The following PIK3C2G variants were observed in gnomAD, a reference collection of about 807,000 sequenced individuals.
PIK3C2G encodes phosphatidylinositol 3-kinase C2 domain-containing subunit gamma.
In PIK3C2G, 168 loss-of-function variants were observed where a neutral mutation model predicts 181.1. That is an observed-to-expected ratio of 0.93 (90% CI 0.82 to 1.05). The LOEUF (loss-of-function observed/expected upper bound fraction) is 1.05, where lower values mean the gene tolerates loss of function less well. Among genes scored for constraint, PIK3C2G ranks in the 50% least tolerant of loss-of-function variants. The probability of loss-of-function intolerance (pLI) is 0.00; values close to 1 mark genes in which losing one functional copy is unlikely to be tolerated. For synonymous variants in PIK3C2G, 573 were observed against 592.2 expected (o/e 0.97, Z 0.47); for missense variants, 1,869 against 1,732.8 (o/e 1.08, Z -1.40).
chr12:18,509,386 T>C (rs1200117347), intron 24 of PIK3C2G, among the ~76,000 whole-genome samples: 2 of 152,242 alleles, frequency 1.3e-5, no homozygotes, highest in Non-Finnish European at 2.9e-5. Context: ...ATTCATTGTG[T>C]ATTAACTAAC....
intron 1 of PIK3C2G, among the ~76,000 whole-genome samples, chr12:18,276,176 G>T (rs184173167): frequency 6.6e-6 from 1 of 152,162 alleles, no homozygotes; most frequent in Admixed American, 6.5e-5. Flanking sequence ...ATGCCACTAG[G>T]TTGTACTCAT....
At chr12:18,694,972 T>C in the PIK3C2G span, 1 of 1,608,184 alleles carries the variant, frequency 6.2e-7, no homozygotes, top group African/African-American at 1.3e-5. Context: ...TATGATTTAC[T>C]CTCTCTTAAG....
chr12:18,696,329 TATATATATATATATATATATATC>T, the PIK3C2G span: 1 of 52,018 alleles, frequency 1.9e-5, no homozygotes, highest in Non-Finnish European at 5.4e-5. Flanking sequence ...CCACTATATA[TATATATATATATATATATATATC>T]ATATAATTCT....
At chr12:18,545,240 T>C (rs538128161) in intron 25 of PIK3C2G, among the ~76,000 whole-genome samples, 1 of 151,968 alleles carries the variant, frequency 6.6e-6, no homozygotes, top group Non-Finnish European at 1.5e-5. Flanking sequence ...TGCTTTCCTT[T>C]GTATGTCTTG....
intron 18 of PIK3C2G, among the ~76,000 whole-genome samples, chr12:18,482,896 TA>T (rs2136027928): frequency 6.6e-6 from 1 of 152,284 alleles, no homozygotes; most frequent in South Asian, 2.1e-4. Context: ...ATAATGCACA[TA>T]GCCATTTTAT....
At position 18,592,953 on chromosome 12, in the gene PIK3C2G, A is replaced by C. The variant is rs1014417985; in HGVS notation, c.4012-1541A>C. ...TTAAACAACAGAATGTTATTGTTTC[A>C]CAGTTCTGGAAGCTAAAAGTCTGAT... On this transcript the variant is annotated intron_variant, in intron 29 of 32. Transcript: ENST00000538779. Among the ~76,000 whole-genome samples, 7 of 152,074 alleles carry C rather than the reference A, an allele frequency of 4.6e-5. No homozygotes were observed. The East Asian group carries it at 1.4e-3, about 29-fold the overall frequency.
chr12:18,625,922 A>T lies in PIK3C2G; in HGVS notation c.4183-14507A>T, dbSNP rs375936698. Among the ~76,000 whole-genome samples the T allele has an allele frequency of 4.6e-5, 7 of 152,022 alleles. No homozygotes were observed. The East Asian group carries it at 7.7e-4, about 17-fold the overall frequency. On this transcript the variant is annotated intron_variant, in intron 31 of 32. Transcript: ENST00000538779. ...TCTGTGTGTCCTTAAAAGTGAAGTGAACGTCTTGCAGACAGCATATAGTTA... is the reference window on the plus strand; with the variant it reads ...TCTGTGTGTCCTTAAAAGTGAAGTGTACGTCTTGCAGACAGCATATAGTTA...
At chr12:18,681,577 T>C in the PIK3C2G span, among the ~76,000 whole-genome samples, 1 of 152,002 alleles carries the variant, frequency 6.6e-6, no homozygotes, top group African/African-American at 2.4e-5. Context: ...GTTCAATACA[T>C]AGGGACATTA....
At position 18,322,381 on chromosome 12, in the gene PIK3C2G, C is replaced by CAAA. The variant is rs201077149; in HGVS notation, c.1208+1358_1208+1360dup. ...TGGGTAACAGAGTGAGACCTCATCT[C>CAAA]AAAAAAAAAAATAATAATTAATTTA... On this transcript the variant is annotated intron_variant, in intron 7 of 32. Coordinates refer to ENST00000538779, the MANE Select transcript of PIK3C2G (RefSeq NM_001288772.2). 3.2e-3 allele frequency among the ~76,000 whole-genome samples: 404 copies of CAAA among 127,712 alleles called. 3 individuals carry two copies. Among genetic ancestry groups the CAAA allele is most frequent in the African/African-American group, 0.011 (397 of 35,304 alleles). The allele number at this position is 127,712 out of a possible 152,430, so 83.8% of individuals were successfully genotyped here. A position where few individuals can be genotyped will look rare whatever the true frequency, so the allele number is the denominator to read the frequency against.
chr12:18,631,744 G>C (rs896877793), intron 31 of PIK3C2G, among the ~76,000 whole-genome samples: 2 of 152,132 alleles, frequency 1.3e-5, no homozygotes, highest in Admixed American at 6.6e-5. Flanking sequence ...TCAAGGATGA[G>C]GGGGGCACCA....
At chr12:18,443,568 C>A (rs1946862364) in intron 18 of PIK3C2G, among the ~76,000 whole-genome samples, 1 of 151,558 alleles carries the variant, frequency 6.6e-6, no homozygotes, top group Admixed American at 6.6e-5. Context: ...TCTGTAATCA[C>A]CGAAAAACTC....
intron 24 of PIK3C2G, among the ~76,000 whole-genome samples, chr12:18,514,818 G>C (rs183961027): frequency 6.6e-6 from 1 of 151,800 alleles, no homozygotes; most frequent in South Asian, 2.1e-4. Flanking sequence ...TTGTCTTCTT[G>C]TTCCGGATCT....
intron 9 of PIK3C2G, 105 bp from the exon 10 acceptor site, chr12:18,343,222 T>C (rs1939307955): frequency 1.5e-6 from 1 of 652,436 alleles, no homozygotes; most frequent in South Asian, 1.8e-5. Flanking sequence ...TTTGTTGTTT[T>C]ACCATGACAA....
chr12:18,534,778 A>G (rs1943754648), intron 24 of PIK3C2G, among the ~76,000 whole-genome samples: 2 of 151,640 alleles, frequency 1.3e-5, no homozygotes, highest in Non-Finnish European at 2.9e-5. Flanking sequence ...CTGATATCTA[A>G]ATCAGTTTTA....
chr12:18,503,953 T>C (rs141271561), intron 23 of PIK3C2G, among the ~76,000 whole-genome samples: 2 of 152,344 alleles, frequency 1.3e-5, no homozygotes, highest in African/African-American at 4.8e-5. Flanking sequence ...TGCCCTGTAT[T>C]AGGGATCTTG....
intron 31 of PIK3C2G, among the ~76,000 whole-genome samples, chr12:18,637,748 A>G (rs1330334848): frequency 6.6e-6 from 1 of 152,198 alleles, no homozygotes; most frequent in South Asian, 2.1e-4. Flanking sequence ...TATTTCTCAC[A>G]GTGTTGTTGA....
At chr12:18,674,518 C>T in the PIK3C2G span, among the ~76,000 whole-genome samples, 2 of 152,108 alleles carry the variant, frequency 1.3e-5, no homozygotes, top group African/African-American at 4.8e-5. Flanking sequence ...TGAATGTCCT[C>T]CTAAACTCAG....
chr12:18,487,604 TAGAA>T (rs1209845271), intron 18 of PIK3C2G, among the ~76,000 whole-genome samples: 5 of 152,134 alleles, frequency 3.3e-5, no homozygotes, highest in Non-Finnish European at 7.4e-5. Flanking sequence ...AAGGGTATAA[TAGAA>T]AGTAAAATTG....
chr12:18,338,407 T>C lies in PIK3C2G; in HGVS notation c.1273-19T>C. The C allele has an allele frequency of 2.6e-6, 4 of 1,509,594 alleles. No individual in the cohort carries two copies. The South Asian group carries it at 3.6e-5, about 13-fold the overall frequency. 93.5% of individuals were successfully genotyped at this position (1,509,594 alleles called of 1,614,324 possible). On this transcript the variant is annotated intron_variant, in intron 8 of 32. Coordinates refer to ENST00000538779, the MANE Select transcript of PIK3C2G (RefSeq NM_001288772.2). ...ATTTATTTCAATAGATTGTAAGATG[T>C]GAATCTTGTTATCTACAGGAAAACG...
Sources: gnomAD v4.1 joint callset for allele counts (sites outside exome capture counted in the v4.1 genomes callset) on GRCh38, gnomAD v4.1.1 for gene constraint, MANE v1.5 for transcripts, NCBI Gene and HGNC (gene_info 2026-07-23, HGNC 2026-07-21) for gene names.